The following PARG variants were observed in gnomAD, a reference collection of about 807,000 sequenced individuals.
PARG encodes the protein mitochondrial poly(ADP-ribose) glycohydrolase.
Under a neutral mutation model 113.0 loss-of-function variants are expected in PARG, and 35 were observed. The observed-to-expected ratio is 0.31, with a 90% CI of 0.24 to 0.41. The LOEUF (loss-of-function observed/expected upper bound fraction) is 0.41, where lower values mean the gene tolerates loss of function less well. Among genes scored for constraint, PARG ranks in the 10% least tolerant of loss-of-function variants. The pLI is 1.00. For missense variants in PARG, 797 were observed against 1,169.4 expected (o/e 0.68, Z 4.64); for synonymous variants, 330 against 409.9 (o/e 0.81, Z 2.36).
At chr10:49,928,124 A>G (rs1838302602) in intron 4 of PARG, among the ~76,000 whole-genome samples, 1 of 152,056 alleles carries the variant, frequency 6.6e-6, no homozygotes, top group South Asian at 2.1e-4. Context: ...TACAAACATC[A>G]GCCAAGGTTG....
At chr10:49,922,022 T>C (rs1279845853) in intron 6 of PARG, among the ~76,000 whole-genome samples, 2 of 152,146 alleles carry the variant, frequency 1.3e-5, no homozygotes, top group African/African-American at 4.8e-5. Context: ...TTAAAGATAT[T>C]TCAGAAACAT....
intron 11 of PARG, among the ~76,000 whole-genome samples, chr10:49,862,817 G>A (rs564439134): frequency 9.9e-5 from 15 of 152,048 alleles, no homozygotes; most frequent in Middle Eastern, 6.8e-3. Flanking sequence ...AAACAGTATC[G>A]TAAGTTTGAT....
rs368113006 is a variant in PARG at position 49,906,043 on chromosome 10, C to T, written c.1737+9874G>A. On this transcript the variant is annotated intron_variant, in intron 7 of 17. Coordinates refer to ENST00000616448, the MANE Select transcript of PARG (RefSeq NM_003631.5). Reference sequence around the variant, plus strand: ...AGAGGTGTCAGAGATGGGCAGATAACAAGAATGGGAAGAGGGAATATAACC... The same window carrying T: ...AGAGGTGTCAGAGATGGGCAGATAATAAGAATGGGAAGAGGGAATATAACC... Among the ~76,000 whole-genome samples the T allele has an allele frequency of 6.8e-5, 10 of 147,832 alleles. No homozygotes were observed. In the East Asian group the frequency reaches 2.0e-3, roughly 29 times the overall value.
chr10:49,940,863 C>T (rs1839012429), intron 1 of PARG, among the ~76,000 whole-genome samples: 1 of 152,166 alleles, frequency 6.6e-6, no homozygotes, highest in African/African-American at 2.4e-5. Context: ...ACTTCCTCTT[C>T]ATCTAACTCC....
At chr10:49,912,097 C>T (rs1442080808) in intron 7 of PARG, among the ~76,000 whole-genome samples, 24 of 151,892 alleles carry the variant, frequency 1.6e-4, no homozygotes, top group Middle Eastern at 3.4e-3. Context: ...GTCAGGAGTT[C>T]GAGACCAGCC....
At chr10:49,932,388 A>G (rs1272631169) in intron 3 of PARG, 105 bp from the exon 4 acceptor site, 11 of 723,224 alleles carry the variant, frequency 1.5e-5, no homozygotes, top group Non-Finnish European at 2.7e-5. Context: ...AAAGTATGCC[A>G]TACTTGGTCA....
At chr10:49,887,762 T>C (rs1319738044) in intron 7 of PARG, among the ~76,000 whole-genome samples, 3 of 152,206 alleles carry the variant, frequency 2.0e-5, no homozygotes, top group East Asian at 3.8e-4. Flanking sequence ...TAAAGCTATC[T>C]TTAGTCTCAA....
At chr10:49,914,201 G>A (rs1185305390) in intron 7 of PARG, among the ~76,000 whole-genome samples, 1 of 152,070 alleles carries the variant, frequency 6.6e-6, no homozygotes, top group Non-Finnish European at 1.5e-5. Flanking sequence ...GCCATCTCAA[G>A]GTATCAAATT....
chr10:49,894,368 C>T (rs1477410083), intron 7 of PARG, among the ~76,000 whole-genome samples: 6 of 152,078 alleles, frequency 3.9e-5, no homozygotes, highest in African/African-American at 1.4e-4. Flanking sequence ...GCCTATTTTC[C>T]TAATGTCTTT....
chr10:49,932,293 A>G lies in PARG; in HGVS notation c.1272-10T>C. 1 of 1,490,662 alleles carries G rather than the reference A, an allele frequency of 6.7e-7. No homozygotes were observed. The highest frequency in any genetic ancestry group is 2.3e-5 in the East Asian group (1 of 44,326). The allele number at this position is 1,490,662 out of a possible 1,614,324, so 92.3% of individuals were successfully genotyped here. ...TTCCCACTGTTCTTTTCTAAGGTCA[A>G]GACAAATGTATTTAGTCACAAATTA... On this transcript the variant is annotated splice_polypyrimidine_tract_variant and intron_variant, in intron 3 of 17. Coordinates refer to ENST00000616448, the MANE Select transcript of PARG (RefSeq NM_003631.5).
Position 49,935,119 on chromosome 10 carries a change from T to C in PARG, c.241A>G (p.Ser81Gly), listed in dbSNP as rs1433056848. Residue 81 changes from serine to glycine, a missense_variant, in exon 2 of 18, where the codon AGT becomes GGT. Coordinates refer to ENST00000616448, the MANE Select transcript of PARG (RefSeq NM_003631.5). ...TTGATTCCTTTAGTGTCCATCCAAC[T>C]GGTAATAGTCTTTTGTTTGAAAACT... is the stretch of plus-strand genomic sequence containing the variant. Reference protein sequence around the residue: ...SLVFKQKTITSWMDTKGIKTA... With the variant: ...SLVFKQKTITGWMDTKGIKTA... 3.8e-6 allele frequency: 3 copies of C among 779,736 alleles called. No individual in the cohort carries two copies. The highest frequency in any genetic ancestry group is 3.5e-5 in the African/African-American group (2 of 57,872). 48.3% of individuals were successfully genotyped at this position (779,736 alleles called of 1,614,324 possible). A position where few individuals can be genotyped will look rare whatever the true frequency, so the allele number is the denominator to read the frequency against.
rs74347975 is a variant in PARG, at chr10:49,844,931, T to C, written c.2354-1299A>G. Among the ~76,000 whole-genome samples the C allele has an allele frequency of 6.1e-3, 924 of 152,038 alleles. 5 individuals are homozygous for C. The highest frequency in any genetic ancestry group is 0.01 in the Non-Finnish European group (698 of 67,986). ...AAAAACACAACCCAATTTAGAAAAA[T>C]GGACAGAAGACCTGAATATAAACTT... On this transcript the variant is annotated intron_variant, in intron 13 of 17. Transcript: ENST00000616448.
intron 6 of PARG, among the ~76,000 whole-genome samples, chr10:49,918,929 A>G (rs2132867553): frequency 6.6e-6 from 1 of 152,234 alleles, no homozygotes; most frequent in Admixed American, 6.5e-5. Context: ...AAGTTAAAAC[A>G]CTATAGTTAT....
chr10:49,932,538 G>A (rs1251965911), intron 3 of PARG, among the ~76,000 whole-genome samples: 15 of 151,978 alleles, frequency 9.9e-5, no homozygotes, highest in Non-Finnish European at 2.1e-4. Context: ...AATGAGTCAT[G>A]GTTCACAGTA....
At chr10:49,882,132 T>C (rs1847245571) in intron 8 of PARG, among the ~76,000 whole-genome samples, 1 of 151,036 alleles carries the variant, frequency 6.6e-6, no homozygotes, top group Non-Finnish European at 1.5e-5. Context: ...TTAAATAGAG[T>C]TAATGATTTC....
At chr10:49,837,361 T>C (rs1554831302) in intron 15 of PARG, among the ~76,000 whole-genome samples, 1 of 151,132 alleles carries the variant, frequency 6.6e-6, no homozygotes, top group Non-Finnish European at 1.5e-5. Context: ...GGGTTTTTTT[T>C]TTTTCTTTTC....
At chr10:49,852,115 A>AATCT (rs1373187806) in intron 13 of PARG, among the ~76,000 whole-genome samples, 1 of 152,270 alleles carries the variant, frequency 6.6e-6, no homozygotes, top group Non-Finnish European at 1.5e-5. Context: ...TCAGGCAGAT[A>AATCT]GATTGTAGTG....
intron 7 of PARG, among the ~76,000 whole-genome samples, chr10:49,887,341 A>G (rs1554840617): frequency 1.3e-5 from 2 of 152,150 alleles, no homozygotes; most frequent in South Asian, 2.1e-4. Context: ...TACCAGTACA[A>G]TGTGTATCAT....
At chr10:49,866,104 G>C (rs1846501025) in intron 10 of PARG, among the ~76,000 whole-genome samples, 2 of 151,002 alleles carry the variant, frequency 1.3e-5, no homozygotes, top group South Asian at 2.1e-4. Flanking sequence ...AATTTTAGAG[G>C]ATGAGATCCT....
Sources: allele counts gnomAD v4.1 joint callset (sites outside exome capture counted in the v4.1 genomes callset), GRCh38; gene constraint gnomAD v4.1.1; transcripts MANE v1.5; gene names NCBI Gene and HGNC (gene_info 2026-07-23, HGNC 2026-07-21).